The following BTAF1 variants were observed in gnomAD, a reference collection of about 807,000 sequenced individuals.
BTAF1 encodes the protein B-TFIID TATA-box binding protein associated factor 1.
In BTAF1, 38 loss-of-function variants were observed where a neutral mutation model predicts 227.1. The ratio of observed to expected loss-of-function variants is 0.17; its 90% CI spans 0.13 to 0.22. BTAF1 has a LOEUF of 0.22. BTAF1 is among the 10% of genes least tolerant of loss of function. The pLI is 1.00. For missense variants in BTAF1, 1,598 were observed against 2,204.0 expected (o/e 0.73, Z 5.51); for synonymous variants, 742 against 751.9 (o/e 0.99, Z 0.21).
Position 91,981,641 on chromosome 10 carries a change from AG to A in BTAF1, c.1756del. ...CTTTCATGTCCCCCTTTTACCCTGCAGGTTTGGATGGAACTGTTGAGTAAGG... is the reference window on the plus strand; with the variant it reads ...CTTTCATGTCCCCCTTTTACCCTGCAGTTTGGATGGAACTGTTGAGTAAGG... On this transcript the variant is annotated splice_acceptor_variant, in intron 15 of 37. Transcript: ENST00000265990. LOFTEE classifies it high-confidence loss of function. 6.3e-7 allele frequency: 1 copy of A among 1,589,140 alleles called. No homozygotes were observed. The highest frequency in any genetic ancestry group is 8.5e-7 in the Non-Finnish European group (1 of 1,171,152).
chr10:92,023,254 G>GTCCTTTTCTATACAACA (rs1298193198), intron 34 of BTAF1, among the ~76,000 whole-genome samples: 1 of 152,178 alleles, frequency 6.6e-6, no homozygotes, highest in African/African-American at 2.4e-5. Context: ...GGAAAACAGT[G>GTCCTTTTCTATACAACA]TCCTTTTCTA....
At chr10:91,935,842 A>G (rs1166560996) in intron 2 of BTAF1, 62 bp downstream of exon 2, 1 of 1,356,212 alleles carries the variant, frequency 7.4e-7, no homozygotes, top group Non-Finnish European at 9.8e-7. Flanking sequence ...ATGGATAGGA[A>G]CACAAAAATA....
chr10:92,027,075 T>C, intron 36 of BTAF1, 55 bp from the exon 37 acceptor site: 1 of 1,539,390 alleles, frequency 6.5e-7, no homozygotes, highest in South Asian at 1.3e-5. Flanking sequence ...TCTGACTCGT[T>C]GGAACCTCAA....
chr10:91,978,356 T>C (rs1357929572), intron 14 of BTAF1, among the ~76,000 whole-genome samples: 3 of 152,064 alleles, frequency 2.0e-5, no homozygotes, highest in African/African-American at 4.8e-5. Flanking sequence ...AGTGTTGGGG[T>C]TGAGGGTCGG....
chr10:91,934,976 T>G (rs1844506644), intron 1 of BTAF1, among the ~76,000 whole-genome samples: 1 of 152,188 alleles, frequency 6.6e-6, no homozygotes, highest in Non-Finnish European at 1.5e-5. Flanking sequence ...TTGTACTTTT[T>G]TTCCTGCCAT....
intron 21 of BTAF1, among the ~76,000 whole-genome samples, chr10:91,992,648 C>G (rs1002615430): frequency 6.6e-6 from 1 of 152,130 alleles, no homozygotes; most frequent in Non-Finnish European, 1.5e-5. Flanking sequence ...TTGCAACCCA[C>G]CTGACTTTTT....
chr10:92,006,473 T>C (rs1346377453), intron 25 of BTAF1, among the ~76,000 whole-genome samples: 2 of 152,256 alleles, frequency 1.3e-5, no homozygotes, highest in Non-Finnish European at 1.5e-5. Flanking sequence ...GTATGTCTTA[T>C]ACTTTTGAAT....
intron 7 of BTAF1, 94 bp from the exon 8 acceptor site, chr10:91,957,131 T>C: frequency 1.1e-6 from 1 of 952,214 alleles, no homozygotes; most frequent in Non-Finnish European, 1.6e-6. Flanking sequence ...TGATTGCTAC[T>C]ACTAGACCTA....
chr10:91,962,792 T>A (rs911238466), intron 12 of BTAF1, 114 bp downstream of exon 12: 37 of 890,530 alleles, frequency 4.2e-5, no homozygotes, highest in East Asian at 5.6e-5. Context: ...TTTTTTTTTT[T>A]AACAACAGCC....
intron 1 of BTAF1, among the ~76,000 whole-genome samples, chr10:91,927,208 G>C (rs532370059): frequency 6.7e-6 from 1 of 150,170 alleles, no homozygotes; most frequent in East Asian, 2.0e-4. Context: ...GTGCGTTCTT[G>C]ACTCACCATA....
intron 20 of BTAF1, among the ~76,000 whole-genome samples, chr10:91,991,886 A>T (rs1042823397): frequency 8.6e-5 from 13 of 150,848 alleles, no homozygotes; most frequent in Non-Finnish European, 1.5e-4. Flanking sequence ...TAATTTTTTC[A>T]TGTGCTGTTT....
chr10:92,013,019 G>GC (rs1161506949), intron 30 of BTAF1, among the ~76,000 whole-genome samples: 1 of 152,278 alleles, frequency 6.6e-6, no homozygotes, highest in East Asian at 1.9e-4. Context: ...GAGTCAGGGG[G>GC]CAGAGGCCCT....
intron 14 of BTAF1, among the ~76,000 whole-genome samples, chr10:91,970,310 TA>T (rs773624409): frequency 6.6e-6 from 1 of 151,846 alleles, no homozygotes; most frequent in Non-Finnish European, 1.5e-5. Context: ...TCCTGGGAAA[TA>T]AAAAAAAGAA....
At chr10:92,023,529 C>T (rs61876491) in intron 34 of BTAF1, among the ~76,000 whole-genome samples, 41,759 of 151,828 alleles carry the variant, frequency 0.28, 7,031 homozygotes, top group Non-Finnish European at 0.38. Context: ...ACTAAAATTA[C>T]AAAAATTCAC....
At chr10:91,990,258 TTG>T in intron 20 of BTAF1, among the ~76,000 whole-genome samples, 1 of 152,204 alleles carries the variant, frequency 6.6e-6, no homozygotes, top group East Asian at 1.9e-4. Flanking sequence ...AGCATAGATC[TTG>T]AAAAATATGT....
chr10:91,998,789 G>A (rs982481685), intron 25 of BTAF1, among the ~76,000 whole-genome samples: 15 of 152,142 alleles, frequency 9.9e-5, no homozygotes, highest in African/African-American at 3.1e-4. Context: ...GGTGGCTCAT[G>A]CCTGTAATCC....
intron 14 of BTAF1, among the ~76,000 whole-genome samples, chr10:91,978,582 AC>A (rs1171214152): frequency 1.3e-5 from 2 of 152,080 alleles, no homozygotes; most frequent in Non-Finnish European, 2.9e-5. Flanking sequence ...TATCCCTAGA[AC>A]TTGTGGATTT....
At chr10:91,975,525 CT>C (rs1421250498) in intron 14 of BTAF1, among the ~76,000 whole-genome samples, 6 of 152,196 alleles carry the variant, frequency 3.9e-5, no homozygotes, top group African/African-American at 1.4e-4. Context: ...TGGAAATTTT[CT>C]TTTCCTTTGG....
chr10:92,002,874 A>G (rs1202813158), intron 25 of BTAF1, among the ~76,000 whole-genome samples: 1 of 152,160 alleles, frequency 6.6e-6, no homozygotes, highest in African/African-American at 2.4e-5. Flanking sequence ...AATAAAAAAA[A>G]TGTGGCTGAG....
Sources: gnomAD v4.1 joint callset for allele counts (sites outside exome capture counted in the v4.1 genomes callset) on GRCh38, gnomAD v4.1.1 for gene constraint, MANE v1.5 for transcripts, NCBI Gene and HGNC (gene_info 2026-07-23, HGNC 2026-07-21) for gene names.